Variants in HTR4 observed in about 807,000 individuals in gnomAD.
HTR4 encodes the protein 5-hydroxytryptamine (serotonin) receptor 4, G protein-coupled.
HTR4 carries 16 observed loss-of-function variants against 36.8 expected under a neutral mutation model. The observed-to-expected ratio is 0.43, with a 90% CI of 0.29 to 0.66. The LOEUF (loss-of-function observed/expected upper bound fraction) is 0.66. Among genes scored for constraint, HTR4 ranks in the 30% least tolerant of loss-of-function variants. The pLI is 0.13. For missense variants in HTR4, 438 were observed against 490.9 expected (o/e 0.89, Z 1.02); for synonymous variants, 189 against 185.1 (o/e 1.02, Z -0.17).
chr5:148,629,270 C>T (rs529426521), intron 2 of HTR4: 1 of 152,154 alleles, frequency 6.6e-6, no homozygotes, highest in Non-Finnish European at 1.5e-5. Context: ...CATCATAACA[C>T]TACCCTCTGT....
intron 2 of HTR4, among the ~76,000 whole-genome samples, chr5:148,563,987 A>T (rs989561173): frequency 1.6e-4 from 25 of 152,110 alleles, no homozygotes; most frequent in African/African-American, 5.8e-4. Flanking sequence ...CTTGGCAATT[A>T]CTCTTTCCCA....
At chr5:148,475,533 C>T (rs73266453), downstream of HTR4, among the ~76,000 whole-genome samples, 16 of 152,146 alleles carry the variant, frequency 1.1e-4, no homozygotes, top group Admixed American at 3.3e-4. Context: ...ATTTTCCATG[C>T]GTGCAGATTA....
rs538218950 is a variant in HTR4, at chr5:148,458,564, A to G, written c.1077-7292T>C. On this transcript the variant is annotated intron_variant, in intron 5 of 5. Coordinates refer to the HTR4 transcript ENST00000521530. ...TCAGAGGGGGGATGAGATCTCGGTTAGTGTGTCAGGGTTCTGTCACTGAGG... is the reference window on the plus strand; with the variant it reads ...TCAGAGGGGGGATGAGATCTCGGTTGGTGTGTCAGGGTTCTGTCACTGAGG... Among the ~76,000 whole-genome samples the G allele has an allele frequency of 1.4e-3, 216 of 152,160 alleles. 1 individual carries two copies. The highest frequency in any genetic ancestry group is 4.8e-3 in the African/African-American group (198 of 41,510).
At chr5:148,556,596 A>C (rs1362178766) in intron 2 of HTR4, among the ~76,000 whole-genome samples, 5 of 152,232 alleles carry the variant, frequency 3.3e-5, no homozygotes, top group Non-Finnish European at 7.3e-5. Flanking sequence ...GCAAATGCAC[A>C]ATTAAATAAA....
At chr5:148,548,241 CAT>C (rs1384418914) in intron 4 of HTR4, among the ~76,000 whole-genome samples, 1 of 152,116 alleles carries the variant, frequency 6.6e-6, no homozygotes, top group Admixed American at 6.5e-5. Context: ...ATTACAGAAA[CAT>C]ATTTTCAAGA....
chr5:148,603,884 C>A (rs1752027102), intron 2 of HTR4, among the ~76,000 whole-genome samples: 1 of 151,966 alleles, frequency 6.6e-6, no homozygotes, highest in Non-Finnish European at 1.5e-5. Context: ...AATAGCCCCA[C>A]CCGTAATCAT....
rs78950678 is a variant in HTR4, at chr5:148,571,683, T to A, written c.27-21421A>T. 3.1e-3 allele frequency among the ~76,000 whole-genome samples: 473 copies of A among 152,126 alleles called. 6 individuals carry two copies. Among genetic ancestry groups the A allele is most frequent in the African/African-American group, 9.3e-3 (385 of 41,528 alleles). Reference sequence around the variant, plus strand: ...CGATAGACAAGACACACTTCAGGTGTCTTGTCTAAATGAATGCACTGGAGT... The same window carrying A: ...CGATAGACAAGACACACTTCAGGTGACTTGTCTAAATGAATGCACTGGAGT... On this transcript the variant is annotated intron_variant, in intron 2 of 6. Transcript: ENST00000377888.
downstream of HTR4, among the ~76,000 whole-genome samples, chr5:148,479,206 A>G (rs1258162861): frequency 6.6e-6 from 1 of 152,130 alleles, no homozygotes; most frequent in Admixed American, 6.5e-5. Context: ...GATGAAGGTG[A>G]CAGACAGGCA....
At chr5:148,484,338 C>G in intron 6 of HTR4, 1 of 1,613,170 alleles carries the variant, frequency 6.2e-7, no homozygotes, top group Non-Finnish European at 8.5e-7. Flanking sequence ...AGGCTTTGTC[C>G]AATACCTTGC....
chr5:148,574,623 G>C (rs17777511), intron 2 of HTR4, among the ~76,000 whole-genome samples: 36,629 of 151,944 alleles, frequency 0.24, 5,374 homozygotes, highest in Non-Finnish European at 0.33. Flanking sequence ...TAGTACACAG[G>C]AAAGCACCTT....
chr5:148,584,275 C>T (rs971760713), intron 2 of HTR4, among the ~76,000 whole-genome samples: 3 of 151,872 alleles, frequency 2.0e-5, no homozygotes, highest in Admixed American at 6.6e-5. Flanking sequence ...TGGAGCTTTC[C>T]CCCAAAAAAG....
chr5:148,537,125 C>T (rs1013210347), intron 4 of HTR4, among the ~76,000 whole-genome samples: 1 of 152,064 alleles, frequency 6.6e-6, no homozygotes, highest in Admixed American at 6.6e-5. Flanking sequence ...AAAAAATATG[C>T]TCCTGAATGA....
intron 2 of HTR4, among the ~76,000 whole-genome samples, chr5:148,580,375 T>C (rs1024952867): frequency 1.3e-5 from 2 of 152,046 alleles, no homozygotes; most frequent in Non-Finnish European, 2.9e-5. Flanking sequence ...AGGAAATAAA[T>C]GTATCCATCA....
intron 5 of HTR4, chr5:148,465,957 G>A (rs1428622392): frequency 1.2e-6 from 2 of 1,602,526 alleles, no homozygotes; most frequent in Non-Finnish European, 1.7e-6. Flanking sequence ...AGCCACAGAT[G>A]AGGGAGAGCC....
At chr5:148,476,721 CCA>C (rs781621792), downstream of HTR4, 16 of 1,612,908 alleles carry the variant, frequency 9.9e-6, no homozygotes, top group Middle Eastern at 1.7e-4. Context: ...TAAGAATTGG[CCA>C]CAGTCCTCAA....
At chr5:148,621,511 C>A (rs573669001) in intron 2 of HTR4, among the ~76,000 whole-genome samples, 1 of 152,280 alleles carries the variant, frequency 6.6e-6, no homozygotes, top group East Asian at 1.9e-4. Context: ...GCTAGTCAGT[C>A]CATGGTAGCA....
rs542057853 is a variant in HTR4 at position 148,651,492 on chromosome 5, C to A, written c.-48+2570G>T. Among the ~76,000 whole-genome samples, 161 of 152,082 alleles carry A rather than the reference C, an allele frequency of 1.1e-3. 1 individual carries two copies. Among genetic ancestry groups the A allele is most frequent in the African/African-American group, 3.7e-3 (153 of 41,470 alleles). On this transcript the variant is annotated intron_variant, in intron 1 of 6. Coordinates refer to ENST00000377888, the MANE Select transcript of HTR4 (RefSeq NM_000870.7). The stretch of plus-strand genomic sequence containing the variant: ...GGAGGAGGGGTACTTTGCCCACCCA[C>A]CCCCCGGACATTTAGCAATGCCTAG...
At chr5:148,467,514 A>G (rs1755457999) in intron 5 of HTR4, among the ~76,000 whole-genome samples, 1 of 152,344 alleles carries the variant, frequency 6.6e-6, no homozygotes, top group Admixed American at 6.5e-5. Context: ...TGAAAATTTC[A>G]GAAGAGGATA....
intron 1 of HTR4, chr5:148,645,608 C>A (rs1482100212): frequency 6.6e-6 from 1 of 152,168 alleles, no homozygotes; most frequent in Non-Finnish European, 1.5e-5. Context: ...TTAGCCTCAG[C>A]AGCCTCATCT....
Sources: allele counts gnomAD v4.1 joint callset (sites outside exome capture counted in the v4.1 genomes callset), GRCh38; gene constraint gnomAD v4.1.1; transcripts MANE v1.5; gene names NCBI Gene and HGNC (gene_info 2026-07-23, HGNC 2026-07-21).